Variants in DDX56 observed in about 807,000 individuals in gnomAD.
The protein encoded by DDX56 is probable ATP-dependent RNA helicase DDX56.
In DDX56, 45 loss-of-function variants were observed where a neutral mutation model predicts 61.5. The ratio of observed to expected loss-of-function variants is 0.73; its 90% CI spans 0.58 to 0.94. The LOEUF (loss-of-function observed/expected upper bound fraction) is 0.94, where lower values mean the gene tolerates loss of function less well. Among genes scored for constraint, DDX56 ranks in the 40% least tolerant of loss-of-function variants. The pLI is 0.00. For missense variants in DDX56, 708 were observed against 690.7 expected, an observed-to-expected ratio of 1.02 and a Z score of -0.28; for synonymous variants, 273 against 268.3, an observed-to-expected ratio of 1.02 and a Z score of -0.17.
At chr7:44,573,484 G>A (rs1802733981) in intron 2 of DDX56, 99 bp downstream of exon 2, 1 of 1,463,778 alleles carries the variant, frequency 6.8e-7, no homozygotes, top group Non-Finnish European at 9.2e-7. Flanking sequence ...CGGCCTGCAC[G>A]GGTACAGGGC....
Position 44,572,875 on chromosome 7 carries a change from G to A in DDX56, c.383+15C>T. On this transcript the variant is annotated intron_variant, in intron 3 of 13. Transcript: ENST00000258772. ...TGTAGCTTCATTCAGGTACAGCTTT[G>A]CTGCTTTTACCCACCTCTGAGAGAC... The A allele has an allele frequency of 6.3e-7, 1 of 1,582,248 alleles. No individual in the cohort carries two copies. Among genetic ancestry groups the A allele is most frequent in the Non-Finnish European group, 8.6e-7 (1 of 1,161,530 alleles).
chr7:44,571,043 G>T (rs1179145330), intron 6 of DDX56, among the ~76,000 whole-genome samples, 166 bp from the exon 7 acceptor site: 1 of 152,140 alleles, frequency 6.6e-6, no homozygotes, highest in African/African-American at 2.4e-5. Flanking sequence ...TAATTATAGG[G>T]TTTTGTTTTT....
rs746231869 is a variant in DDX56, at chr7:44,572,881, T to C, written c.383+9A>G. On this transcript the variant is annotated intron_variant, in intron 3 of 13. Coordinates refer to ENST00000258772, the MANE Select transcript of DDX56 (RefSeq NM_019082.4). ...TTCATTCAGGTACAGCTTTGCTGCT[T>C]TTACCCACCTCTGAGAGACTGAGTC... is the stretch of plus-strand genomic sequence containing the variant. 4.4e-6 allele frequency: 7 copies of C among 1,584,032 alleles called. No individual in the cohort carries two copies. The highest frequency in any genetic ancestry group is 6.0e-6 in the Non-Finnish European group (7 of 1,162,918).
chr7:44,568,976 ACT>A lies in DDX56; in HGVS notation c.1308_1309del (p.Val437AspfsTer2). The A allele has an allele frequency of 6.2e-7, 1 of 1,614,088 alleles. No individual in the cohort carries two copies. Among genetic ancestry groups the A allele is most frequent in the Non-Finnish European group, 8.5e-7 (1 of 1,180,012 alleles). On this transcript the variant is annotated frameshift_variant, in exon 11 of 14. Transcript: ENST00000258772. LOFTEE classifies it high-confidence loss of function. The stretch of plus-strand genomic sequence containing the variant: ...TGCCTCCCGAATGGCCTGCTTAGTC[ACT>A]GAGCGCATGGCATCCTGGGGGTGGA...
At position 44,570,085 on chromosome 7, in the gene DDX56, G is replaced by T. The variant is rs753215069; in HGVS notation, c.1054C>A (p.His352Asn). The change falls in exon 8 of 14, where the codon CAC becomes AAC. Residue 352 changes from histidine to asparagine, a missense_variant. Physicochemically the swap from His to Asn is moderately conservative, Grantham distance 68. Transcript: ENST00000258772. ...EAGVARGIDFHHVSAVLNFDL... is the reference protein window; with the variant it reads ...EAGVARGIDFNHVSAVLNFDL... ...AAGTTGAGCACAGCAGACACATGGT[G>T]GAAGTCTATGCCCCGGGCCACACCT... 16 of 1,614,162 alleles carry T rather than the reference G, an allele frequency of 9.9e-6. No homozygotes were observed. The highest frequency in any genetic ancestry group is 1.4e-5 in the Non-Finnish European group (16 of 1,180,028).
chr7:44,566,394 A>G, intron 13 of DDX56, 54 bp downstream of exon 13: 3 of 1,440,710 alleles, frequency 2.1e-6, no homozygotes, highest in Non-Finnish European at 2.9e-6. Context: ...GGTGATGACA[A>G]AAGAGCAGGT....
rs1334448737 is a variant in DDX56 at position 44,566,538 on chromosome 7, T to C, written c.1490-14A>G. ...GAGCAGGAGGAACTGGAAGAGATGC[T>C]TGCCTGAGCAGTGGGCTCACCGCTA... On this transcript the variant is annotated splice_polypyrimidine_tract_variant and intron_variant, in intron 12 of 13. Coordinates refer to ENST00000258772, the MANE Select transcript of DDX56 (RefSeq NM_019082.4). 1 of 1,542,952 alleles carries C rather than the reference T, an allele frequency of 6.5e-7. No individual in the cohort carries two copies.
chr7:44,569,298 A>T, intron 9 of DDX56, 95 bp from the exon 10 acceptor site: 1 of 1,197,344 alleles, frequency 8.4e-7, no homozygotes, highest in Non-Finnish European at 1.2e-6. Context: ...GGGGGAAAGC[A>T]GCAGGGGACC....
chr7:44,568,255 A>G (rs769091367), intron 11 of DDX56, 32 bp from the exon 12 acceptor site: 26 of 1,501,548 alleles, frequency 1.7e-5, no homozygotes, highest in Non-Finnish European at 1.4e-5. Flanking sequence ...CCACAGAGTG[A>G]GCATCTTTCT....
At position 44,569,206 on chromosome 7, in the gene DDX56, G is replaced by C. The variant is rs1802612842; in HGVS notation, c.1220-3C>G. 1 of 1,613,596 alleles carries C rather than the reference G, an allele frequency of 6.2e-7. No individual in the cohort carries two copies. Among genetic ancestry groups the C allele is most frequent in the East Asian group, 2.2e-5 (1 of 44,882 alleles). ...GAGCAGAATGGGGCCCCTGTTCTCT[G>C]TGGAGAAGAAAGCAGCGAGGGTCCC... On this transcript the variant is annotated splice_polypyrimidine_tract_variant and splice_region_variant and intron_variant, in intron 9 of 13. Coordinates refer to ENST00000258772, the MANE Select transcript of DDX56 (RefSeq NM_019082.4).
chr7:44,573,830 G>T lies in DDX56; in HGVS notation c.60+6C>A. On this transcript the variant is annotated splice_donor_region_variant and intron_variant, in intron 1 of 13. Coordinates refer to ENST00000258772, the MANE Select transcript of DDX56 (RefSeq NM_019082.4). ...CGTAAGCCGGCTCCCCAGCCCTCGC[G>T]TGTACCTGAAGGAGCCGGGGATCGA... 1 of 1,613,344 alleles carries T rather than the reference G, an allele frequency of 6.2e-7. No individual in the cohort carries two copies. Among genetic ancestry groups the T allele is most frequent in the African/African-American group, 1.3e-5 (1 of 75,080 alleles).
chr7:44,570,427 A>C (rs1326826589), intron 7 of DDX56, among the ~76,000 whole-genome samples: 1 of 152,148 alleles, frequency 6.6e-6, no homozygotes, highest in African/African-American at 2.4e-5. Context: ...CAGAGACTGG[A>C]GAGTTGGGGG....
chr7:44,569,044 T>C (rs749764967), intron 10 of DDX56, 52 bp from the exon 11 acceptor site: 54 of 1,611,820 alleles, frequency 3.4e-5, no homozygotes, highest in Non-Finnish European at 4.6e-5. Context: ...AAATCCTCCC[T>C]TCACACCTGG....
chr7:44,565,990 G>C lies in DDX56; in HGVS notation c.*12C>G. ...TCCACAATGTGCTCAGCTCCAGAGAGGCCCAACAACCTCAGGAGGGCTTGG... is the reference window on the plus strand; with the variant it reads ...TCCACAATGTGCTCAGCTCCAGAGACGCCCAACAACCTCAGGAGGGCTTGG... On this transcript the variant is annotated 3_prime_UTR_variant, in exon 14 of 14. Transcript: ENST00000258772. 2 of 1,603,494 alleles carry C rather than the reference G, an allele frequency of 1.2e-6. No individual in the cohort carries two copies. Among genetic ancestry groups the C allele is most frequent in the South Asian group, 2.2e-5 (2 of 90,112 alleles).
At chr7:44,567,705 C>A (rs535212756) in intron 12 of DDX56, 176 of 288,804 alleles carry the variant, frequency 6.1e-4, no homozygotes, top group African/African-American at 3.6e-3. Flanking sequence ...AGAGACTCCA[C>A]AGATGCCTCT....
intron 7 of DDX56, among the ~76,000 whole-genome samples, chr7:44,570,348 ACAG>A (rs1190443610): frequency 2.6e-5 from 4 of 152,240 alleles, no homozygotes; most frequent in Admixed American, 2.6e-4. Flanking sequence ...TTCTGGGACA[ACAG>A]CAGAACTCAT....
intron 11 of DDX56, 35 bp downstream of exon 11, chr7:44,568,868 A>C: frequency 2.8e-5 from 43 of 1,520,518 alleles, no homozygotes; most frequent in Non-Finnish European, 3.7e-5. Context: ...GCAGCCGTCT[A>C]AGATCTATCC....
In DDX56 at chr7:44,573,649, G is replaced by C. The variant is rs779572647; in HGVS notation, c.156C>G (p.Arg52=). The C allele has an allele frequency of 1.2e-6, 2 of 1,613,708 alleles. No individual in the cohort carries two copies. The highest frequency in any genetic ancestry group is 8.5e-7 in the Non-Finnish European group (1 of 1,180,040). The stretch of plus-strand genomic sequence containing the variant: ...AAGCGGCCGTCTTCCCGGAGCCCGT[G>C]CGGGCCCGAGCCAGGAGGTCCTTCC... ...LEGKDLLARA[R]TGSGKTAAYA... The change falls in exon 2 of 14, where the codon CGC becomes CGG. Residue 52 remains arginine (R), a synonymous_variant. Transcript: ENST00000258772.
Position 44,566,430 on chromosome 7 carries a change from A to G in DDX56, c.1566+18T>C, listed in dbSNP as rs771883997. 2.7e-5 allele frequency: 41 copies of G among 1,543,602 alleles called. No homozygotes were observed. Among genetic ancestry groups the G allele is most frequent in the Non-Finnish European group, 3.2e-5 (37 of 1,139,912 alleles). On this transcript the variant is annotated intron_variant, in intron 13 of 13. Transcript: ENST00000258772. ...TGGGAGGAGTCCTGGGGCTGTCCGC[A>G]GTCCCCAGGAGCCGTACCTTGGCCT...
Sources: gnomAD v4.1 joint callset for allele counts (sites outside exome capture counted in the v4.1 genomes callset) on GRCh38, gnomAD v4.1.1 for gene constraint, MANE v1.5 for transcripts, NCBI Gene and HGNC (gene_info 2026-07-23, HGNC 2026-07-21) for gene names.